GNG2: variants seen among roughly 807,000 people sequenced by gnomAD.
The protein encoded by GNG2 is G protein subunit gamma 2.
A neutral mutation model predicts 5.5 loss-of-function variants in GNG2; 5 were observed. The observed-to-expected ratio is 0.91, with a 90% CI of 0.48 to 1.92. The LOEUF (loss-of-function observed/expected upper bound fraction) is 1.92. Ranked by LOEUF, GNG2 falls within the 30% of genes most tolerant of loss-of-function variation. The probability of loss-of-function intolerance (pLI) is 0.01; values close to 1 mark genes in which losing one functional copy is unlikely to be tolerated. For missense variants in GNG2, 55 were observed against 88.4 expected (o/e 0.62, Z 1.52); for synonymous variants, 28 against 32.0 (o/e 0.88, Z 0.42).
intron 2 of GNG2, among the ~76,000 whole-genome samples, chr14:51,907,394 G>T (rs1429731768): frequency 1.3e-5 from 2 of 152,162 alleles, no homozygotes; most frequent in Non-Finnish European, 2.9e-5. Context: ...TGAAATTAAG[G>T]GTCTTAAGTA....
intron 1 of GNG2, among the ~76,000 whole-genome samples, chr14:51,874,567 C>T (rs1231104893): frequency 6.6e-6 from 1 of 151,848 alleles, no homozygotes; most frequent in Non-Finnish European, 1.5e-5. Flanking sequence ...CCTGTCTCTA[C>T]AGAAAATAAA....
At chr14:51,878,660 A>T (rs1336212884) in intron 2 of GNG2, among the ~76,000 whole-genome samples, 1 of 152,118 alleles carries the variant, frequency 6.6e-6, no homozygotes, top group Non-Finnish European at 1.5e-5. Flanking sequence ...GGATAAGAGG[A>T]TCGATTTTCC....
chr14:51,846,373 T>C (rs1414649490), intron 2 of GNG2, among the ~76,000 whole-genome samples: 1 of 152,214 alleles, frequency 6.6e-6, no homozygotes, highest in Non-Finnish European at 1.5e-5. Context: ...TTAATCAATT[T>C]TTCTTATGTG....
At chr14:51,828,370 G>T (rs1881089989) in intron 2 of GNG2, among the ~76,000 whole-genome samples, 1 of 152,156 alleles carries the variant, frequency 6.6e-6, no homozygotes, top group Admixed American at 6.5e-5. Flanking sequence ...AATGGTTCCA[G>T]GGCACAATTG....
At position 51,966,602 on chromosome 14, in the gene GNG2, A is replaced by G. The variant is rs1461084035; in HGVS notation, c.131A>G (p.His44Arg). The change falls in exon 4 of 4, where the codon CAT becomes CGT. Residue 44 changes from histidine (H) to arginine (R), a missense_variant. By Grantham distance (29) the His-to-Arg change is conservative. Transcript: ENST00000556766. ...AADLMAYCEA[H>R]AKEDPLLTPV... ...GATTTGATGGCCTACTGTGAAGCAC[A>G]TGCCAAGGAAGACCCCCTCCTGACC... 2.5e-6 allele frequency: 4 copies of G among 1,613,610 alleles called. No homozygotes were observed. The highest frequency in any genetic ancestry group is 1.1e-5 in the South Asian group (1 of 91,080).
At chr14:51,860,593 A>G (rs536946980), upstream of GNG2, 2 of 152,558 alleles carry the variant, frequency 1.3e-5, no homozygotes, top group South Asian at 4.1e-4. Flanking sequence ...TTGATTGAAG[A>G]CAAAGCTGGG....
chr14:51,924,423 T>C (rs1441890350), intron 2 of GNG2, among the ~76,000 whole-genome samples: 4 of 152,168 alleles, frequency 2.6e-5, no homozygotes, highest in Non-Finnish European at 5.9e-5. Flanking sequence ...AAGAATGGGA[T>C]GGGAGAGGTA....
intron 2 of GNG2, among the ~76,000 whole-genome samples, chr14:51,834,866 G>T (rs1188448089): frequency 1.3e-5 from 2 of 152,166 alleles, no homozygotes; most frequent in Non-Finnish European, 2.9e-5. Flanking sequence ...GCTATATCCT[G>T]CTCTGAGTTA....
chr14:51,830,248 C>A (rs73287128), intron 2 of GNG2, among the ~76,000 whole-genome samples: 1,858 of 152,256 alleles, frequency 0.012, 44 homozygotes, highest in African/African-American at 0.042. Context: ...TTTTCTGGTT[C>A]TTTTTCATCT....
intron 2 of GNG2, among the ~76,000 whole-genome samples, chr14:51,852,426 G>A (rs1365148553): frequency 1.3e-5 from 2 of 152,218 alleles, no homozygotes; most frequent in Non-Finnish European, 2.9e-5. Flanking sequence ...ACAAGACTGA[G>A]TAAGACATTA....
At chr14:51,861,548 G>A (rs1248960637) in intron 1 of GNG2, among the ~76,000 whole-genome samples, 1 of 152,156 alleles carries the variant, frequency 6.6e-6, no homozygotes, top group African/African-American at 2.4e-5. Context: ...CTCGGTGAGG[G>A]ACAAAATAAA....
intron 2 of GNG2, chr14:51,914,221 CTG>C: frequency 1.4e-6 from 1 of 702,160 alleles, no homozygotes; most frequent in Non-Finnish European, 2.6e-6. Context: ...CCAGAAATGA[CTG>C]TGCCATTGAA....
rs747188396 is a variant in GNG2, at chr14:51,917,480, G to GT, written c.-29-33169dup. On this transcript the variant is annotated intron_variant, in intron 2 of 3. Coordinates refer to ENST00000556766, the MANE Select transcript of GNG2 (RefSeq NM_053064.5). Reference sequence around the variant, plus strand: ...GGGAGTGAGTTGGAACCTTAGCCTAGTGCAGAGTTTATTAAAACCATGTCT... The same window carrying GT: ...GGGAGTGAGTTGGAACCTTAGCCTAGTTGCAGAGTTTATTAAAACCATGTCT... 8.7e-5 allele frequency: 39 copies of GT among 448,358 alleles called. 1 individual carries two copies. Among genetic ancestry groups the GT allele is most frequent in the South Asian group, 6.0e-4 (38 of 63,516 alleles). 27.8% of individuals were successfully genotyped at this position (448,358 alleles called of 1,614,324 possible).
chr14:51,880,424 T>C (rs1883968752), intron 2 of GNG2, among the ~76,000 whole-genome samples: 1 of 152,228 alleles, frequency 6.6e-6, no homozygotes, highest in Non-Finnish European at 1.5e-5. Flanking sequence ...CTAGGTATGG[T>C]ATAATTTCCT....
intron 2 of GNG2, among the ~76,000 whole-genome samples, chr14:51,945,175 A>G (rs997930968): frequency 6.6e-6 from 1 of 151,996 alleles, no homozygotes; most frequent in East Asian, 1.9e-4. Flanking sequence ...ATGATCCAGC[A>G]ATTTAACTTC....
At chr14:51,885,327 T>C (rs938308108) in intron 2 of GNG2, among the ~76,000 whole-genome samples, 3 of 152,136 alleles carry the variant, frequency 2.0e-5, no homozygotes, top group African/African-American at 4.8e-5. Context: ...TTCACTGATA[T>C]GTCACACTGA....
intron 2 of GNG2, chr14:51,916,230 G>C (rs1389008423): frequency 2.0e-4 from 54 of 267,850 alleles, no homozygotes; most frequent in Non-Finnish European, 2.3e-4. Flanking sequence ...TCTAACCAGA[G>C]GCTAATTTTA....
intron 2 of GNG2, among the ~76,000 whole-genome samples, chr14:51,940,716 T>G (rs1305072750): frequency 6.6e-6 from 1 of 152,202 alleles, no homozygotes; most frequent in East Asian, 1.9e-4. Flanking sequence ...TTTATTGATT[T>G]AAAATCTGCT....
intron 2 of GNG2, among the ~76,000 whole-genome samples, chr14:51,920,228 G>T (rs990060898): frequency 6.6e-6 from 1 of 152,084 alleles, no homozygotes; most frequent in Admixed American, 6.6e-5. Context: ...TCAGATTTTG[G>T]TATCCACAGG....
Sources: gnomAD v4.1 joint callset for allele counts (sites outside exome capture counted in the v4.1 genomes callset) on GRCh38, gnomAD v4.1.1 for gene constraint, MANE v1.5 for transcripts, NCBI Gene and HGNC (gene_info 2026-07-23, HGNC 2026-07-21) for gene names.